The following GRIP1 variants were observed in gnomAD, a reference collection of about 807,000 sequenced individuals.
GRIP1 encodes the protein glutamate receptor-interacting protein 1.
In GRIP1, 45 loss-of-function variants were observed where a neutral mutation model predicts 129.9. That is an observed-to-expected ratio of 0.35 (90% CI 0.27 to 0.44). GRIP1 has a LOEUF of 0.44. Among genes scored for constraint, GRIP1 ranks in the 20% least tolerant of loss-of-function variants. The probability of loss-of-function intolerance (pLI) is 1.00; values close to 1 mark genes in which losing one functional copy is unlikely to be tolerated. For missense variants in GRIP1, 1,196 were observed against 1,396.8 expected (o/e 0.86, Z 2.29); for synonymous variants, 530 against 520.8 (o/e 1.02, Z -0.24).
intron 7 of GRIP1, among the ~76,000 whole-genome samples, chr12:66,468,950 A>T (rs2059363422): frequency 6.6e-6 from 1 of 152,186 alleles, no homozygotes. Context: ...AACTTGCCCC[A>T]TTAAGGCTTG....
At chr12:66,718,916 A>G (rs544632321) in intron 1 of GRIP1, among the ~76,000 whole-genome samples, 13 of 152,252 alleles carry the variant, frequency 8.5e-5, no homozygotes, top group Non-Finnish European at 1.5e-4. Flanking sequence ...GAGTTGTGGT[A>G]CATATAAATG....
rs528491228 is a variant in GRIP1 at position 66,707,490 on chromosome 12, G to A, written c.-419-77154C>T. On this transcript the variant is annotated intron_variant, in intron 1 of 4. Coordinates refer to the GRIP1 transcript ENST00000538373. Reference sequence around the variant, plus strand: ...CAGACCTTGTGATTTAACTGTCTGCGCCAATCACTGACTAAAAAAAAAAAA... The same window carrying A: ...CAGACCTTGTGATTTAACTGTCTGCACCAATCACTGACTAAAAAAAAAAAA... Among the ~76,000 whole-genome samples the A allele has an allele frequency of 2.4e-4, 31 of 129,978 alleles. No individual in the cohort carries two copies. In the South Asian group the frequency reaches 3.0e-3, roughly 12 times the overall value. The allele number at this position is 129,978 out of a possible 152,430, so 85.3% of individuals were successfully genotyped here.
chr12:66,853,131 T>C (rs561763016), intron 1 of GRIP1, among the ~76,000 whole-genome samples: 2 of 151,742 alleles, frequency 1.3e-5, no homozygotes, highest in African/African-American at 4.8e-5. Context: ...GTGAGGAGCT[T>C]TTTCTTCCGA....
intron 14 of GRIP1, among the ~76,000 whole-genome samples, chr12:66,422,427 C>T (rs145053557): frequency 6.6e-6 from 1 of 152,170 alleles, no homozygotes; most frequent in East Asian, 1.9e-4. Context: ...CATCATATTT[C>T]AAAACTGCAA....
At chr12:66,472,183 G>A (rs1301158217) in intron 7 of GRIP1, among the ~76,000 whole-genome samples, 1 of 152,210 alleles carries the variant, frequency 6.6e-6, no homozygotes, top group African/African-American at 2.4e-5. Context: ...TCCCATGGAA[G>A]TGGACTTTCT....
intron 1 of GRIP1, among the ~76,000 whole-genome samples, chr12:66,998,427 A>AT (rs1555259292): frequency 7.4e-6 from 1 of 136,024 alleles, no homozygotes; most frequent in African/African-American, 2.5e-5. Flanking sequence ...CTGATAAAAA[A>AT]AAATATATAT....
intron 13 of GRIP1, among the ~76,000 whole-genome samples, chr12:66,441,489 T>C (rs1326736804): frequency 6.6e-6 from 1 of 152,194 alleles, no homozygotes; most frequent in African/African-American, 2.4e-5. Flanking sequence ...CCCTGAATCC[T>C]AGGCTCCAGG....
intron 1 of GRIP1, among the ~76,000 whole-genome samples, chr12:66,921,085 C>A: frequency 6.6e-6 from 1 of 152,224 alleles, no homozygotes; most frequent in Admixed American, 6.5e-5. Flanking sequence ...GCAGGTGATA[C>A]GTGAACCATT....
intron 7 of GRIP1, among the ~76,000 whole-genome samples, chr12:66,474,442 G>T (rs1565778438): frequency 1.3e-5 from 2 of 152,074 alleles, no homozygotes; most frequent in East Asian, 3.9e-4. Context: ...AACCTAGCAA[G>T]GCAGGCCAAC....
At chr12:66,827,387 T>TGTGTGTGAGAGAGA (rs755458052) in intron 1 of GRIP1, among the ~76,000 whole-genome samples, 13,153 of 107,626 alleles carry the variant, frequency 0.12, 886 homozygotes, top group Non-Finnish European at 0.17. Context: ...TGTGTGTGTG[T>TGTGTGTGAGAGAGA]GAGAGAGAGA....
chr12:66,596,125 G>T (rs2064039661), intron 2 of GRIP1, among the ~76,000 whole-genome samples: 1 of 152,064 alleles, frequency 6.6e-6, no homozygotes, highest in African/African-American at 2.4e-5. Flanking sequence ...ACTCTTCTAA[G>T]TACAATTGCT....
At chr12:66,699,662 G>GAA (rs2035283537) in intron 1 of GRIP1, among the ~76,000 whole-genome samples, 1 of 152,144 alleles carries the variant, frequency 6.6e-6, no homozygotes, top group Admixed American at 6.6e-5. Context: ...AGTGTGAGAA[G>GAA]AGACTAATAC....
chr12:66,719,745 T>A (rs919798154), intron 1 of GRIP1, among the ~76,000 whole-genome samples: 11 of 152,194 alleles, frequency 7.2e-5, no homozygotes, highest in Non-Finnish European at 1.3e-4. Context: ...ATGTAAAAAT[T>A]AATGCTCTGA....
chr12:66,920,345 T>C (rs1032062816), intron 1 of GRIP1, among the ~76,000 whole-genome samples: 3 of 152,144 alleles, frequency 2.0e-5, no homozygotes, highest in African/African-American at 7.2e-5. Flanking sequence ...ACTGGTATAA[T>C]CACTCCTTTG....
At chr12:66,473,070 C>T (rs72648170) in intron 7 of GRIP1, among the ~76,000 whole-genome samples, 33,646 of 152,152 alleles carry the variant, frequency 0.22, 4,295 homozygotes, top group Middle Eastern at 0.41. Context: ...AAGCTAAGAT[C>T]CACTGGCTTG....
At chr12:66,465,736 G>A (rs2059268197) in intron 7 of GRIP1, among the ~76,000 whole-genome samples, 1 of 152,154 alleles carries the variant, frequency 6.6e-6, no homozygotes, top group Non-Finnish European at 1.5e-5. Flanking sequence ...GCACAATGCC[G>A]AGCATATACT....
chr12:66,508,879 T>C (rs184959606), intron 7 of GRIP1, among the ~76,000 whole-genome samples: 1 of 152,314 alleles, frequency 6.6e-6, no homozygotes, highest in Non-Finnish European at 1.5e-5. Flanking sequence ...TAGAGAATCA[T>C]GTAATTTTAA....
chr12:66,500,685 G>A (rs1385865064), intron 7 of GRIP1, among the ~76,000 whole-genome samples: 1 of 152,180 alleles, frequency 6.6e-6, no homozygotes, highest in Non-Finnish European at 1.5e-5. Context: ...ATCATTCAAT[G>A]TTCCATGTGA....
At chr12:67,032,145 A>G (rs1203092546) in intron 1 of GRIP1, among the ~76,000 whole-genome samples, 4 of 152,326 alleles carry the variant, frequency 2.6e-5, no homozygotes, top group South Asian at 4.1e-4. Flanking sequence ...AGAAGATAGT[A>G]TATTTCTCAT....
Sources: gnomAD v4.1 joint callset for allele counts (sites outside exome capture counted in the v4.1 genomes callset) on GRCh38, gnomAD v4.1.1 for gene constraint, MANE v1.5 for transcripts, NCBI Gene and HGNC (gene_info 2026-07-23, HGNC 2026-07-21) for gene names.